SCD5: variants seen among roughly 807,000 people sequenced by gnomAD.
SCD5 encodes acyl-CoA-desaturase 4.
Under a neutral mutation model 30.4 loss-of-function variants are expected in SCD5, and 20 were observed. The ratio of observed to expected loss-of-function variants is 0.66; its 90% CI spans 0.46 to 0.96. The LOEUF (loss-of-function observed/expected upper bound fraction) is 0.96. Among genes scored for constraint, SCD5 ranks in the 40% least tolerant of loss-of-function variants. The probability of loss-of-function intolerance (pLI) is 0.00; values close to 1 mark genes in which losing one functional copy is unlikely to be tolerated. For synonymous variants in SCD5, 173 were observed against 176.4 expected, an observed-to-expected ratio of 0.98 and a Z score of 0.16; for missense variants, 381 against 443.3, an observed-to-expected ratio of 0.86 and a Z score of 1.26.
rs1390322290 is a variant in SCD5 at position 82,661,008 on chromosome 4, C to A, written c.569+19699G>T. 11 of 1,614,082 alleles carry A rather than the reference C, an allele frequency of 6.8e-6. No individual in the cohort carries two copies. The Middle Eastern group carries it at 6.6e-4, about 97-fold the overall frequency. On this transcript the variant is annotated intron_variant, in intron 3 of 4. Transcript: ENST00000319540. ...TGACTTTCAATATATGCCCTTGATGCCATTCACGAAGCATCTCACACGCTG... is the reference window on the plus strand; with the variant it reads ...TGACTTTCAATATATGCCCTTGATGACATTCACGAAGCATCTCACACGCTG...
In SCD5 at chr4:82,697,981, T is replaced by A; in HGVS notation, c.363+7302A>T. On this transcript the variant is annotated intron_variant, in intron 2 of 4. Transcript: ENST00000319540. ...ATGTGCCCTGGATGGTGAAATGCTG[T>A]GGAAGAAGATAATGTGAGGCATGAT... The A allele has an allele frequency of 8.8e-6, 4 of 456,686 alleles. 1 individual carries two copies. The highest frequency in any genetic ancestry group is 6.2e-5 in the South Asian group (4 of 64,544). The allele number at this position is 456,686 out of a possible 1,614,324, so 28.3% of individuals were successfully genotyped here. A position where few individuals can be genotyped will look rare whatever the true frequency, so the allele number is the denominator to read the frequency against.
chr4:82,631,313 T>C lies in SCD5; in HGVS notation c.*14A>G, dbSNP rs1372813002. 5 of 1,608,780 alleles carry C rather than the reference T, an allele frequency of 3.1e-6. No individual in the cohort carries two copies. Among genetic ancestry groups the C allele is most frequent in the African/African-American group, 1.3e-5 (1 of 74,798 alleles). On this transcript the variant is annotated 3_prime_UTR_variant, in exon 5 of 5. Coordinates refer to ENST00000319540, the MANE Select transcript of SCD5 (RefSeq NM_001037582.3). ...AGGTTGCAACGGCAGACATGTGGGATGGCTGTTCCAAGTTCAAGCACTGCT... is the reference window on the plus strand; with the variant it reads ...AGGTTGCAACGGCAGACATGTGGGACGGCTGTTCCAAGTTCAAGCACTGCT...
intron 1 of SCD5, among the ~76,000 whole-genome samples, chr4:82,790,706 C>T (rs1220426116): frequency 2.0e-5 from 3 of 152,078 alleles, no homozygotes; most frequent in African/African-American, 7.2e-5. Flanking sequence ...CAGCGCTTGG[C>T]AGGTAATGAG....
chr4:82,712,732 T>G (rs1720138681), intron 1 of SCD5, among the ~76,000 whole-genome samples: 1 of 152,136 alleles, frequency 6.6e-6, no homozygotes, highest in Non-Finnish European at 1.5e-5. Context: ...TGTGTGTATG[T>G]GTGTGCATGC....
At chr4:82,700,118 T>C (rs1719786653) in intron 2 of SCD5, among the ~76,000 whole-genome samples, 2 of 151,848 alleles carry the variant, frequency 1.3e-5, no homozygotes, top group African/African-American at 4.8e-5. Context: ...TCGGGTGGCT[T>C]AGGCATGAGA....
At position 82,722,564 on chromosome 4, in the gene SCD5, G is replaced by T. The variant is rs140966252; in HGVS notation, c.233-17151C>A. On this transcript the variant is annotated intron_variant, in intron 1 of 4. Transcript: ENST00000319540. ...GGATCACCTGAGGTCAGGGGTTCGA[G>T]ACCAGCCTGGCCAACGTGGTGAAAC... Among the ~76,000 whole-genome samples, 980 of 152,182 alleles carry T rather than the reference G, an allele frequency of 6.4e-3. 16 individuals are homozygous for T. Among genetic ancestry groups the T allele is most frequent in the South Asian group, 0.039 (187 of 4,824 alleles).
At chr4:82,781,861 T>C (rs964017055) in intron 1 of SCD5, among the ~76,000 whole-genome samples, 3 of 152,150 alleles carry the variant, frequency 2.0e-5, no homozygotes, top group Non-Finnish European at 4.4e-5. Context: ...TATTCTGACA[T>C]AGCAGCACAA....
intron 4 of SCD5, among the ~76,000 whole-genome samples, chr4:82,636,175 G>A (rs1347783314): frequency 6.6e-6 from 1 of 151,952 alleles, no homozygotes; most frequent in South Asian, 2.1e-4. Flanking sequence ...CCAAGAGTCA[G>A]GATCCTAAAG....
chr4:82,753,725 C>T (rs969562134), intron 1 of SCD5, among the ~76,000 whole-genome samples: 1 of 152,110 alleles, frequency 6.6e-6, no homozygotes, highest in African/African-American at 2.4e-5. Context: ...TTTGCCTCCC[C>T]CCTCAGCCAT....
chr4:82,706,622 T>C (rs1385493027), intron 1 of SCD5, among the ~76,000 whole-genome samples: 1 of 152,276 alleles, frequency 6.6e-6, no homozygotes, highest in East Asian at 1.9e-4. Context: ...TCCTTTTCCC[T>C]CTTCTGGCTC....
chr4:82,703,687 G>GA (rs1420309483), intron 2 of SCD5, among the ~76,000 whole-genome samples: 1 of 151,588 alleles, frequency 6.6e-6, no homozygotes, highest in Non-Finnish European at 1.5e-5. Context: ...AGTTTCATGA[G>GA]AAAAAAAATC....
intron 3 of SCD5, among the ~76,000 whole-genome samples, chr4:82,666,336 T>C (rs1269344827): frequency 6.6e-6 from 1 of 152,156 alleles, no homozygotes. Context: ...CCATACACTT[T>C]CCTTGAAAGT....
chr4:82,767,521 T>C (rs532275491), intron 1 of SCD5, among the ~76,000 whole-genome samples: 3 of 152,296 alleles, frequency 2.0e-5, no homozygotes, highest in South Asian at 2.1e-4. Context: ...CTGCCTGATG[T>C]CCAACATCTG....
At chr4:82,705,502 C>T (rs997499499) in intron 1 of SCD5, 89 bp from the exon 2 acceptor site, 45 of 1,518,450 alleles carry the variant, frequency 3.0e-5, no homozygotes, top group East Asian at 2.1e-4. Flanking sequence ...CAGGGACACA[C>T]GTGAAATGGT....
intron 1 of SCD5, among the ~76,000 whole-genome samples, chr4:82,770,253 C>T (rs1263418962): frequency 6.6e-6 from 1 of 152,138 alleles, no homozygotes; most frequent in East Asian, 1.9e-4. Context: ...CCTCATTGTT[C>T]AGTTCCCACT....
At chr4:82,750,070 T>C (rs1046333775) in intron 1 of SCD5, among the ~76,000 whole-genome samples, 4 of 152,214 alleles carry the variant, frequency 2.6e-5, no homozygotes, top group Non-Finnish European at 5.9e-5. Context: ...ATTAAGAGGA[T>C]TTACTGTGAA....
rs376542904 is a variant in SCD5 at position 82,733,323 on chromosome 4, T to C, written c.233-27910A>G. Among the ~76,000 whole-genome samples, 261 of 152,228 alleles carry C rather than the reference T, an allele frequency of 1.7e-3. 1 individual carries two copies. Among genetic ancestry groups the C allele is most frequent in the African/African-American group, 6.1e-3 (253 of 41,540 alleles). ...AGGCAAGCTAGCTCTGGTGCCCTGT[T>C]ACGATGCACAGAGCACAGTGGCCCA... On this transcript the variant is annotated intron_variant, in intron 1 of 4. Coordinates refer to ENST00000319540, the MANE Select transcript of SCD5 (RefSeq NM_001037582.3).
At chr4:82,701,056 C>T (rs6857652) in intron 2 of SCD5, among the ~76,000 whole-genome samples, 28,855 of 151,854 alleles carry the variant, frequency 0.19, 3,177 homozygotes, top group East Asian at 0.4. Flanking sequence ...CTTATGGATA[C>T]GTAAAATGAA....
intron 3 of SCD5, among the ~76,000 whole-genome samples, chr4:82,657,609 A>G (rs1560525889): frequency 6.6e-6 from 1 of 152,224 alleles, no homozygotes; most frequent in South Asian, 2.1e-4. Context: ...TATGAAATTT[A>G]AAGTAGTTTT....
Sources: allele counts gnomAD v4.1 joint callset (sites outside exome capture counted in the v4.1 genomes callset), GRCh38; gene constraint gnomAD v4.1.1; transcripts MANE v1.5; gene names NCBI Gene and HGNC (gene_info 2026-07-23, HGNC 2026-07-21).